TMEFF2: variants seen among roughly 807,000 people sequenced by gnomAD.
TMEFF2 encodes transmembrane protein with EGF like and two follistatin like domains 2, also known as tomoregulin-2.
TMEFF2 carries 28 observed loss-of-function variants against 53.8 expected under a neutral mutation model. The ratio of observed to expected loss-of-function variants is 0.52; its 90% CI spans 0.39 to 0.71. The LOEUF (loss-of-function observed/expected upper bound fraction) is 0.71. TMEFF2 is among the 30% of genes least tolerant of loss of function. TMEFF2 has a pLI of 0.00. For missense variants in TMEFF2, 353 were observed against 455.2 expected (o/e 0.78, Z 2.04); for synonymous variants, 162 against 166.3 (o/e 0.97, Z 0.20).
intron 5 of TMEFF2, among the ~76,000 whole-genome samples, chr2:192,024,305 A>G (rs979103207): frequency 1.3e-5 from 2 of 152,166 alleles, no homozygotes; most frequent in Non-Finnish European, 2.9e-5. Flanking sequence ...TATTGTAAAA[A>G]ATTCAGGAGT....
intron 7 of TMEFF2, among the ~76,000 whole-genome samples, chr2:191,979,115 A>G (rs1051409895): frequency 6.6e-6 from 1 of 152,212 alleles, no homozygotes; most frequent in African/African-American, 2.4e-5. Context: ...TCCCAAAGTG[A>G]CCGTCTTGTA....
intron 4 of TMEFF2, among the ~76,000 whole-genome samples, chr2:192,142,368 AT>A (rs1000353049): frequency 1.3e-5 from 2 of 150,918 alleles, no homozygotes; most frequent in African/African-American, 4.9e-5. Flanking sequence ...AGATGACACC[AT>A]TTTTTTTTCT....
rs564258554 is a variant in TMEFF2 at position 192,055,886 on chromosome 2, C to G, written c.536+1793G>C. Among the ~76,000 whole-genome samples the G allele has an allele frequency of 7.2e-5, 11 of 152,040 alleles. No homozygotes were observed. In the Middle Eastern group the frequency reaches 0.017, roughly 238 times the overall value. On this transcript the variant is annotated intron_variant, in intron 5 of 9. Coordinates refer to ENST00000272771, the MANE Select transcript of TMEFF2 (RefSeq NM_016192.4). ...AAACCAGTGCATAGACTCTCTCACTCGGCTCCTAGCTGCCCATTGGCTAGA... is the reference window on the plus strand; with the variant it reads ...AAACCAGTGCATAGACTCTCTCACTGGGCTCCTAGCTGCCCATTGGCTAGA...
intron 4 of TMEFF2, among the ~76,000 whole-genome samples, chr2:192,080,851 T>C (rs1195666169): frequency 6.6e-6 from 1 of 151,932 alleles, no homozygotes. Context: ...TGCAAAATAT[T>C]TGATCAAACA....
chr2:191,955,164 GGAGAGAGAGGGA>G (rs1349438042), intron 8 of TMEFF2, among the ~76,000 whole-genome samples: 2 of 9,036 alleles, frequency 2.2e-4, no homozygotes, highest in Non-Finnish European at 1.1e-3. Flanking sequence ...AGGAAGAGTG[GGAGAGAGAGGGA>G]GAGAGAGAGA....
At chr2:192,193,845 G>A (rs1691534324) in intron 1 of TMEFF2, among the ~76,000 whole-genome samples, 1 of 151,744 alleles carries the variant, frequency 6.6e-6, no homozygotes, top group South Asian at 2.1e-4. Flanking sequence ...GAATCTGTGT[G>A]ACCTGGTCTT....
intron 7 of TMEFF2, among the ~76,000 whole-genome samples, chr2:191,958,381 G>C (rs1442979899): frequency 6.6e-6 from 1 of 152,152 alleles, no homozygotes; most frequent in African/African-American, 2.4e-5. Flanking sequence ...GTTATACACT[G>C]TCTTTTCAGA....
At chr2:192,081,407 C>T (rs981705683) in intron 4 of TMEFF2, among the ~76,000 whole-genome samples, 1 of 152,178 alleles carries the variant, frequency 6.6e-6, no homozygotes, top group Non-Finnish European at 1.5e-5. Flanking sequence ...GAAGTAATTT[C>T]TTTCCAGCCT....
intron 4 of TMEFF2, among the ~76,000 whole-genome samples, chr2:192,152,153 G>C (rs568238456): frequency 2.0e-5 from 3 of 152,000 alleles, no homozygotes; most frequent in South Asian, 4.2e-4. Flanking sequence ...TTTATCTCAT[G>C]CATAACTCAA....
intron 7 of TMEFF2, among the ~76,000 whole-genome samples, chr2:191,969,119 T>A (rs1414223197): frequency 3.6e-5 from 5 of 139,972 alleles, no homozygotes; most frequent in Non-Finnish European, 6.1e-5. Flanking sequence ...GTATGTATGT[T>A]TGTGTATGTG....
At chr2:192,177,322 G>A (rs1053991218) in intron 4 of TMEFF2, 5 of 151,128 alleles carry the variant, frequency 3.3e-5, no homozygotes, top group Non-Finnish European at 7.4e-5. Context: ...ATGGATATGT[G>A]AACTGAATTT....
intron 4 of TMEFF2, among the ~76,000 whole-genome samples, chr2:192,153,830 G>T (rs1005582619): frequency 6.6e-6 from 1 of 151,868 alleles, no homozygotes; most frequent in Non-Finnish European, 1.5e-5. Flanking sequence ...AAATAGGGAT[G>T]AGATGGCTGA....
intron 2 of TMEFF2, among the ~76,000 whole-genome samples, chr2:192,186,398 G>A (rs907423838): frequency 6.6e-6 from 1 of 152,148 alleles, no homozygotes; most frequent in Admixed American, 6.5e-5. Context: ...AATGTGGCTT[G>A]TGCTCATGCC....
chr2:191,981,867 C>A (rs1685861047), intron 7 of TMEFF2, among the ~76,000 whole-genome samples: 1 of 152,176 alleles, frequency 6.6e-6, no homozygotes, highest in Non-Finnish European at 1.5e-5. Flanking sequence ...GCCCCTTCAT[C>A]TTCCACATGA....
chr2:192,146,849 C>T (rs921351770), intron 4 of TMEFF2, among the ~76,000 whole-genome samples: 3 of 152,072 alleles, frequency 2.0e-5, no homozygotes, highest in Non-Finnish European at 2.9e-5. Flanking sequence ...AGGCTTACAG[C>T]GTAAGCTAAG....
At chr2:192,168,773 C>CA in intron 4 of TMEFF2, among the ~76,000 whole-genome samples, 1 of 152,026 alleles carries the variant, frequency 6.6e-6, no homozygotes, top group Non-Finnish European at 1.5e-5. Flanking sequence ...TAAATGGCAG[C>CA]ATGCGAATGT....
intron 4 of TMEFF2, among the ~76,000 whole-genome samples, chr2:192,096,041 G>C (rs1459221592): frequency 6.6e-6 from 1 of 152,142 alleles, no homozygotes; most frequent in African/African-American, 2.4e-5. Context: ...ATGAGAAGTG[G>C]TATTATGGGA....
chr2:192,101,277 T>C (rs929111364), intron 4 of TMEFF2, among the ~76,000 whole-genome samples: 2 of 152,134 alleles, frequency 1.3e-5, no homozygotes, highest in African/African-American at 4.8e-5. Flanking sequence ...CCAAAATAAT[T>C]TTACCGTGTA....
At chr2:192,087,156 TGAG>T (rs1192694630) in intron 4 of TMEFF2, among the ~76,000 whole-genome samples, 1 of 151,904 alleles carries the variant, frequency 6.6e-6, no homozygotes, top group South Asian at 2.1e-4. Flanking sequence ...AACTAATCTA[TGAG>T]GAGGGTTTTG....
Sources: allele counts gnomAD v4.1 joint callset (sites outside exome capture counted in the v4.1 genomes callset), GRCh38; gene constraint gnomAD v4.1.1; transcripts MANE v1.5; gene names NCBI Gene and HGNC (gene_info 2026-07-23, HGNC 2026-07-21).